Variants in STK32A observed in about 807,000 individuals in gnomAD.
STK32A encodes serine/threonine kinase 32A, also known as serine/threonine-protein kinase 32A.
In STK32A, 41 loss-of-function variants were observed where a neutral mutation model predicts 53.2. The observed-to-expected ratio is 0.77, with a 90% confidence interval of 0.60 to 1.00. STK32A has a LOEUF of 1.00. STK32A is among the 50% of genes least tolerant of loss of function. STK32A has a pLI of 0.00. For missense variants in STK32A, 458 were observed against 485.8 expected, an observed-to-expected ratio of 0.94 and a Z score of 0.54; for synonymous variants, 166 against 162.8, an observed-to-expected ratio of 1.02 and a Z score of -0.15.
chr5:147,335,285 G>A (rs1183413912), intron 5 of STK32A, among the ~76,000 whole-genome samples: 3 of 152,128 alleles, frequency 2.0e-5, no homozygotes, highest in Non-Finnish European at 4.4e-5. Context: ...TTCTATTACC[G>A]ACATGGTTTT....
chr5:147,399,294 T>C, the STK32A span: 2 of 1,586,890 alleles, frequency 1.3e-6, no homozygotes, highest in African/African-American at 1.4e-5. Flanking sequence ...TATAGCTACA[T>C]ATATATCAAT....
In STK32A at chr5:147,348,777, T is replaced by C. The variant is rs1305217059; in HGVS notation, c.473-2288T>C. ...GCACATGTATTTTGCAAAACTACAC[T>C]GAAGTTTCTGATAATGACGGATATC... On this transcript the variant is annotated intron_variant, in intron 6 of 12. Transcript: ENST00000397936. 5 of 744,884 alleles carry C rather than the reference T, an allele frequency of 6.7e-6. No individual in the cohort carries two copies. In the African/African-American group the frequency reaches 6.8e-5, roughly 10 times the overall value. 46.1% of individuals were successfully genotyped at this position (744,884 alleles called of 1,614,324 possible).
At chr5:147,389,413 T>C (rs1347805983), downstream of STK32A, among the ~76,000 whole-genome samples, 1 of 152,182 alleles carries the variant, frequency 6.6e-6, no homozygotes, top group Non-Finnish European at 1.5e-5. Context: ...TGTGGCCAAT[T>C]GGTCCCACGT....
At position 147,384,089 on chromosome 5, in the gene STK32A, G is replaced by C. The variant is rs1161738936; in HGVS notation, c.*106G>C. Reference sequence around the variant, plus strand: ...TTGCCACTCCACACACCATGACTTAGAAAATGTGAATGAATATATTTCAAA... The same window carrying C: ...TTGCCACTCCACACACCATGACTTACAAAATGTGAATGAATATATTTCAAA... On this transcript the variant is annotated 3_prime_UTR_variant, in exon 13 of 13. Coordinates refer to ENST00000397936, the MANE Select transcript of STK32A (RefSeq NM_001112724.2). 41 of 1,500,120 alleles carry C rather than the reference G, an allele frequency of 2.7e-5. No individual in the cohort carries two copies. Among genetic ancestry groups the C allele is most frequent in the Non-Finnish European group, 3.5e-5 (40 of 1,135,176 alleles). 92.9% of individuals were successfully genotyped at this position (1,500,120 alleles called of 1,614,324 possible).
At chr5:147,249,908 C>CAAAAAAA (rs35848112) in intron 2 of STK32A, among the ~76,000 whole-genome samples, 3,151 of 58,526 alleles carry the variant, frequency 0.054, 291 homozygotes, top group Admixed American at 0.07. Flanking sequence ...GCCTCTGTCT[C>CAAAAAAA]AAAAAAAAAA....
intron 8 of STK32A, among the ~76,000 whole-genome samples, chr5:147,366,870 TG>T (rs1756771727): frequency 1.0e-5 from 1 of 98,318 alleles, no homozygotes; most frequent in Admixed American, 1.1e-4. Flanking sequence ...TTTACCTTGT[TG>T]AGCCTTTTTT....
chr5:147,349,752 G>A (rs1303059029), intron 6 of STK32A, among the ~76,000 whole-genome samples: 2 of 152,238 alleles, frequency 1.3e-5, no homozygotes, highest in African/African-American at 4.8e-5. Flanking sequence ...GTTAGAGGCT[G>A]AGTTCAAGGC....
chr5:147,236,785 C>A (rs150302699), intron 1 of STK32A, among the ~76,000 whole-genome samples: 5 of 152,062 alleles, frequency 3.3e-5, no homozygotes, highest in Non-Finnish European at 4.4e-5. Flanking sequence ...TGGAAAATTG[C>A]GATAATATTC....
At chr5:147,397,844 G>A in the STK32A span, 46 of 1,599,684 alleles carry the variant, frequency 2.9e-5, no homozygotes, top group Middle Eastern at 7.5e-4. Context: ...GTACTCTGCC[G>A]CCTAGAGGCA....
At position 147,384,020 on chromosome 5, in the gene STK32A, A is replaced by G. The variant is rs779940461; in HGVS notation, c.*37A>G. 4 of 1,581,900 alleles carry G rather than the reference A, an allele frequency of 2.5e-6. No homozygotes were observed. The African/African-American group carries it at 5.5e-5, about 22-fold the overall frequency. On this transcript the variant is annotated 3_prime_UTR_variant, in exon 13 of 13. Coordinates refer to ENST00000397936, the MANE Select transcript of STK32A (RefSeq NM_001112724.2). The stretch of plus-strand genomic sequence containing the variant: ...CTTCTTCTTGGGACAATCTCATGCC[A>G]GAAACTTCTAATTACATATGTCAAG...
At chr5:147,289,670 T>A (rs1187276571) in intron 4 of STK32A, among the ~76,000 whole-genome samples, 1 of 152,000 alleles carries the variant, frequency 6.6e-6, no homozygotes, top group African/African-American at 2.4e-5. Context: ...TGTATATATA[T>A]ATGTGATATT....
intron 11 of STK32A, 106 bp downstream of exon 11, chr5:147,375,324 C>A: frequency 7.1e-7 from 1 of 1,413,124 alleles, no homozygotes; most frequent in Non-Finnish European, 9.4e-7. Flanking sequence ...GCTTTTGCTG[C>A]TTAGTGAAAT....
intron 8 of STK32A, among the ~76,000 whole-genome samples, chr5:147,366,603 T>C (rs1756758035): frequency 6.6e-6 from 1 of 152,220 alleles, no homozygotes; most frequent in Non-Finnish European, 1.5e-5. Context: ...TTATTTACTT[T>C]ATGTATCCTG....
In STK32A at chr5:147,384,191, C is replaced by A; in HGVS notation, c.*208C>A. Reference sequence around the variant, plus strand: ...ATTTCACATCAATCAACTGTGTGATCTAGAGCAAGTCACTTAGCCACTTTC... The same window carrying A: ...ATTTCACATCAATCAACTGTGTGATATAGAGCAAGTCACTTAGCCACTTTC... On this transcript the variant is annotated 3_prime_UTR_variant, in exon 13 of 13. Transcript: ENST00000397936. 7.0e-7 allele frequency: 1 copy of A among 1,419,568 alleles called. No individual in the cohort carries two copies. The highest frequency in any genetic ancestry group is 2.6e-5 in the East Asian group (1 of 38,208). 87.9% of individuals were successfully genotyped at this position (1,419,568 alleles called of 1,614,324 possible).
chr5:147,399,387 C>T, the STK32A span: 16 of 997,338 alleles, frequency 1.6e-5, no homozygotes, highest in Admixed American at 2.1e-4. Flanking sequence ...TGGTGAGCTA[C>T]AGAACCTCAC....
intron 4 of STK32A, among the ~76,000 whole-genome samples, chr5:147,313,854 C>T (rs1333920975): frequency 6.6e-6 from 1 of 152,122 alleles, no homozygotes; most frequent in Non-Finnish European, 1.5e-5. Flanking sequence ...GGTGCTGGGA[C>T]AACTGTATAT....
Position 147,373,163 on chromosome 5 carries a change from T to C in STK32A, c.778-6T>C, listed in dbSNP as rs370495084. 29 of 1,613,062 alleles carry C rather than the reference T, an allele frequency of 1.8e-5. No individual in the cohort carries two copies. Among genetic ancestry groups the C allele is most frequent in the Non-Finnish European group, 2.5e-5 (29 of 1,179,432 alleles). ...TATGGCCTTGATGTTTGCATTTTAT[T>C]GGCAGCTACTCGAACCTAATCCAGA... On this transcript the variant is annotated splice_polypyrimidine_tract_variant and splice_region_variant and intron_variant, in intron 9 of 12. Transcript: ENST00000397936.
chr5:147,280,778 T>C (rs1306718902), intron 4 of STK32A, among the ~76,000 whole-genome samples: 8 of 152,086 alleles, frequency 5.3e-5, no homozygotes, highest in African/African-American at 1.7e-4. Context: ...TTTCTCCCCA[T>C]AATACCAAAG....
chr5:147,247,347 A>C (rs1029746145), intron 2 of STK32A, among the ~76,000 whole-genome samples: 1 of 152,256 alleles, frequency 6.6e-6, no homozygotes, highest in Non-Finnish European at 1.5e-5. Context: ...CAGACATTAA[A>C]AAGCCAGTCA....
Sources: gnomAD v4.1 joint callset for allele counts (sites outside exome capture counted in the v4.1 genomes callset) on GRCh38, gnomAD v4.1.1 for gene constraint, MANE v1.5 for transcripts, NCBI Gene and HGNC (gene_info 2026-07-23, HGNC 2026-07-21) for gene names.